The following TMEM178B variants were observed in gnomAD, a reference collection of about 807,000 sequenced individuals.
TMEM178B encodes the protein transmembrane protein 178B.
TMEM178B carries 5 observed loss-of-function variants against 31.0 expected under a neutral mutation model. The observed-to-expected ratio is 0.16, with a 90% CI of 0.08 to 0.34. The LOEUF is 0.34. Ranked by LOEUF, TMEM178B falls within the 10% of genes least tolerant of loss-of-function variation. The pLI is 1.00. For missense variants in TMEM178B, 275 were observed against 400.3 expected (o/e 0.69, Z 2.67); for synonymous variants, 164 against 164.0 (o/e 1.00, Z 0.00).
At chr7:141,136,898 ACATATT>A (rs1795684316) in intron 1 of TMEM178B, among the ~76,000 whole-genome samples, 1 of 152,198 alleles carries the variant, frequency 6.6e-6, no homozygotes, top group Non-Finnish European at 1.5e-5. Context: ...GGATCTGAAT[ACATATT>A]TCTCAAAAGA....
intron 2 of TMEM178B, among the ~76,000 whole-genome samples, chr7:141,410,475 C>CT (rs1476632710): frequency 4.6e-3 from 313 of 67,390 alleles, no homozygotes; most frequent in African/African-American, 0.017. Flanking sequence ...CTCTGTCTTT[C>CT]TTTTTTTCTT....
intron 2 of TMEM178B, among the ~76,000 whole-genome samples, chr7:141,405,778 G>C (rs1195687984): frequency 6.6e-6 from 1 of 152,164 alleles, no homozygotes; most frequent in Non-Finnish European, 1.5e-5. Context: ...AATGTCAGTG[G>C]GGCTCCCCCT....
At chr7:141,398,715 T>C (rs527560678) in intron 2 of TMEM178B, among the ~76,000 whole-genome samples, 1 of 152,032 alleles carries the variant, frequency 6.6e-6, no homozygotes, top group Non-Finnish European at 1.5e-5. Context: ...CCACAGGGGG[T>C]ACTGTGGGAG....
At position 141,446,719 on chromosome 7, in the gene TMEM178B, C is replaced by A. The variant is rs141739614; in HGVS notation, c.634+8974C>A. ...TTTCTTATCCATTTTTCATGCCTTG[C>A]TTCAATTTTCTCATCTATAAAAGAG... is the stretch of plus-strand genomic sequence containing the variant. On this transcript the variant is annotated intron_variant, in intron 3 of 3. Coordinates refer to ENST00000565468, the MANE Select transcript of TMEM178B (RefSeq NM_001195278.2). Among the ~76,000 whole-genome samples, 282 of 152,198 alleles carry A rather than the reference C, an allele frequency of 1.9e-3. 3 individuals carry two copies. The highest frequency in any genetic ancestry group is 6.6e-3 in the African/African-American group (273 of 41,526).
At chr7:141,191,349 C>G (rs1013150625) in intron 1 of TMEM178B, among the ~76,000 whole-genome samples, 1 of 152,210 alleles carries the variant, frequency 6.6e-6, no homozygotes, top group Non-Finnish European at 1.5e-5. Context: ...TGTGAAACAT[C>G]TCTTGGAGAA....
chr7:141,245,396 G>C (rs950368557), intron 2 of TMEM178B, among the ~76,000 whole-genome samples: 2 of 151,852 alleles, frequency 1.3e-5, no homozygotes, highest in African/African-American at 4.8e-5. Flanking sequence ...TGTGGATGGA[G>C]GTTTGTTCAT....
At chr7:141,341,384 A>G (rs1046912297) in intron 2 of TMEM178B, among the ~76,000 whole-genome samples, 7 of 152,080 alleles carry the variant, frequency 4.6e-5, no homozygotes, top group African/African-American at 1.4e-4. Context: ...AAGAGCAAGG[A>G]TTTCTCTTCT....
chr7:141,421,637 A>T (rs1265766207), intron 2 of TMEM178B, among the ~76,000 whole-genome samples: 1 of 152,198 alleles, frequency 6.6e-6, no homozygotes, highest in Non-Finnish European at 1.5e-5. Context: ...TGAAAAGCTC[A>T]TCAATTCTGG....
chr7:141,330,606 T>C (rs1040314172), intron 2 of TMEM178B, among the ~76,000 whole-genome samples: 28 of 152,102 alleles, frequency 1.8e-4, no homozygotes, highest in Non-Finnish European at 1.5e-5. Context: ...GAGAATAATA[T>C]GGGAGGATGT....
intron 1 of TMEM178B, among the ~76,000 whole-genome samples, chr7:141,098,898 C>T (rs767054283): frequency 2.0e-5 from 3 of 152,146 alleles, no homozygotes; most frequent in African/African-American, 2.4e-5. Flanking sequence ...TTCACCTTTC[C>T]GATGAAGTTT....
intron 2 of TMEM178B, among the ~76,000 whole-genome samples, chr7:141,433,557 G>A (rs1801477884): frequency 6.6e-6 from 1 of 152,194 alleles, no homozygotes; most frequent in Non-Finnish European, 1.5e-5. Context: ...CTTGGTTTAG[G>A]AGGAGGAAAT....
intron 2 of TMEM178B, among the ~76,000 whole-genome samples, chr7:141,271,363 C>G (rs1253715442): frequency 6.6e-6 from 1 of 152,192 alleles, no homozygotes; most frequent in Non-Finnish European, 1.5e-5. Flanking sequence ...GGCACCATCC[C>G]CAAGTATTTC....
At chr7:141,306,748 C>T (rs1475892903) in intron 2 of TMEM178B, among the ~76,000 whole-genome samples, 1 of 151,680 alleles carries the variant, frequency 6.6e-6, no homozygotes, top group Admixed American at 6.6e-5. Flanking sequence ...GTTTAAAAAA[C>T]CACAGTGACT....
intron 2 of TMEM178B, among the ~76,000 whole-genome samples, chr7:141,256,414 A>G (rs550298185): frequency 4.6e-5 from 7 of 152,196 alleles, no homozygotes; most frequent in Non-Finnish European, 1.0e-4. Flanking sequence ...TGGTGCCAAG[A>G]GCAAGTGCCG....
intron 2 of TMEM178B, among the ~76,000 whole-genome samples, chr7:141,370,818 C>T (rs960490799): frequency 5.3e-5 from 8 of 152,238 alleles, no homozygotes; most frequent in African/African-American, 1.7e-4. Context: ...GCACATTGGT[C>T]TCCACCTAGG....
intron 2 of TMEM178B, among the ~76,000 whole-genome samples, chr7:141,374,643 C>T (rs938475479): frequency 1.8e-4 from 28 of 152,230 alleles, no homozygotes; most frequent in African/African-American, 4.6e-4. Flanking sequence ...CGAGTGCTCT[C>T]GCACATGCCA....
At chr7:141,157,740 C>T (rs763278324) in intron 1 of TMEM178B, among the ~76,000 whole-genome samples, 2 of 152,196 alleles carry the variant, frequency 1.3e-5, no homozygotes, top group Non-Finnish European at 2.9e-5. Context: ...AGCGAGGTAA[C>T]AGTGATGACG....
At chr7:141,207,356 C>A (rs1796983393) in intron 1 of TMEM178B, among the ~76,000 whole-genome samples, 1 of 152,150 alleles carries the variant, frequency 6.6e-6, no homozygotes, top group Admixed American at 6.5e-5. Flanking sequence ...TTTTGAGGAA[C>A]CACCATACTG....
intron 1 of TMEM178B, among the ~76,000 whole-genome samples, chr7:141,189,905 G>GA (rs942920178): frequency 3.9e-5 from 6 of 152,196 alleles, no homozygotes; most frequent in African/African-American, 1.4e-4. Context: ...GCAGGGCTCA[G>GA]AGTCTGAGGT....
Sources: gnomAD v4.1 joint callset for allele counts (sites outside exome capture counted in the v4.1 genomes callset) on GRCh38, gnomAD v4.1.1 for gene constraint, MANE v1.5 for transcripts, NCBI Gene and HGNC (gene_info 2026-07-23, HGNC 2026-07-21) for gene names.